Variants in NEMP2 observed in about 807,000 individuals in gnomAD.
NEMP2 encodes the protein nuclear envelope integral membrane protein 2.
In NEMP2, 53 loss-of-function variants were observed where a neutral mutation model predicts 54.2. That is an observed-to-expected ratio of 0.98 (90% CI 0.78 to 1.23). The LOEUF (loss-of-function observed/expected upper bound fraction) is 1.23, where lower values mean the gene tolerates loss of function less well. Ranked by LOEUF, NEMP2 falls within the 50% of genes most tolerant of loss-of-function variation. The pLI is 0.00. For synonymous variants in NEMP2, 197 were observed against 190.3 expected (o/e 1.04, Z -0.29); for missense variants, 455 against 511.3 (o/e 0.89, Z 1.06).
the NEMP2 span, among the ~76,000 whole-genome samples, chr2:190,607,490 T>C: frequency 3.3e-5 from 5 of 152,170 alleles, no homozygotes; most frequent in Non-Finnish European, 7.3e-5. This position sits in a 1 kb window ranked among gnomAD's most constrained non-coding sequence, Gnocchi z 5.2. Flanking sequence ...AAAGTGATTC[T>C]AATACACAGC....
Position 190,534,546 on chromosome 2 carries a change from G to A in NEMP2, c.97+13C>T, listed in dbSNP as rs1254240149. 1.9e-5 allele frequency: 27 copies of A among 1,393,728 alleles called. 1 individual carries two copies. Among genetic ancestry groups the A allele is most frequent in the Non-Finnish European group, 2.4e-5 (26 of 1,079,238 alleles). 86.3% of individuals were successfully genotyped at this position (1,393,728 alleles called of 1,614,324 possible). On this transcript the variant is annotated intron_variant, in intron 1 of 8. Coordinates refer to ENST00000409150, the MANE Select transcript of NEMP2 (RefSeq NM_001142645.2). ...CACGCACGCGCGCGCCGCCGCCGCCGGTCCCGGGTTACCTGATAACGCTGC... is the reference window on the plus strand; with the variant it reads ...CACGCACGCGCGCGCCGCCGCCGCCAGTCCCGGGTTACCTGATAACGCTGC...
chr2:190,493,900 C>T, the NEMP2 span, among the ~76,000 whole-genome samples: 1 of 152,008 alleles, frequency 6.6e-6, no homozygotes, highest in Non-Finnish European at 1.5e-5. Context: ...TAAATGCCTA[C>T]ATCAAAAAGT....
At chr2:190,616,938 A>G in the NEMP2 span, 1 of 151,950 alleles carries the variant, frequency 6.6e-6, no homozygotes, top group Non-Finnish European at 1.5e-5. This position sits in a 1 kb window ranked among gnomAD's most constrained non-coding sequence, Gnocchi z 5.1. Flanking sequence ...GCAACATAAC[A>G]TCTCTACTAA....
Position 190,510,581 on chromosome 2 carries a change from C to G in NEMP2, c.954-44G>C. ...TTGCAGGATTACTTCCTAATTCAATCCTTAAGATTTACAAAAATAGGCCAG... is the reference window on the plus strand; with the variant it reads ...TTGCAGGATTACTTCCTAATTCAATGCTTAAGATTTACAAAAATAGGCCAG... On this transcript the variant is annotated intron_variant, in intron 7 of 8. Coordinates refer to ENST00000409150, the MANE Select transcript of NEMP2 (RefSeq NM_001142645.2). This position sits in a 1 kb window ranked among gnomAD's most constrained non-coding sequence, Gnocchi z 5.7. 6.5e-7 allele frequency: 1 copy of G among 1,545,316 alleles called. No individual in the cohort carries two copies. The highest frequency in any genetic ancestry group is 8.8e-7 in the Non-Finnish European group (1 of 1,141,780).
the NEMP2 span, among the ~76,000 whole-genome samples, chr2:190,478,293 C>T: frequency 6.6e-6 from 1 of 152,062 alleles, no homozygotes; most frequent in East Asian, 1.9e-4. Flanking sequence ...GGCTCTGTGG[C>T]CAGTTTCCAC....
At chr2:190,437,670 A>G in the NEMP2 span, 1 of 1,316,374 alleles carries the variant, frequency 7.6e-7, no homozygotes, top group South Asian at 1.5e-5. This position sits in a 1 kb window ranked among gnomAD's most constrained non-coding sequence, Gnocchi z 5.9. Context: ...TGTTGAGGAT[A>G]GGGTTGGAGT....
the NEMP2 span, among the ~76,000 whole-genome samples, chr2:190,564,683 G>A: frequency 1.3e-5 from 2 of 152,182 alleles, no homozygotes; most frequent in South Asian, 2.1e-4. The surrounding 1 kb of genome is among the most constrained non-coding windows in gnomAD (Gnocchi z 4.2). Flanking sequence ...GGGTGCAAAA[G>A]CAAGAGACAA....
Position 190,510,612 on chromosome 2 carries a change from G to A in NEMP2, c.954-75C>T. The stretch of plus-strand genomic sequence containing the variant: ...GATTTACAAAAATAGGCCAGGCTCG[G>A]TGGCTCACGCCTGTAATCCAGCATT... On this transcript the variant is annotated intron_variant, in intron 7 of 8. Coordinates refer to ENST00000409150, the MANE Select transcript of NEMP2 (RefSeq NM_001142645.2). This position sits in a 1 kb window ranked among gnomAD's most constrained non-coding sequence, Gnocchi z 5.7. 1 of 1,484,594 alleles carries A rather than the reference G, an allele frequency of 6.7e-7. No homozygotes were observed. The highest frequency in any genetic ancestry group is 9.2e-7 in the Non-Finnish European group (1 of 1,092,594). 92.0% of individuals were successfully genotyped at this position (1,484,594 alleles called of 1,614,324 possible).
chr2:190,611,102 G>T, the NEMP2 span: 3 of 152,172 alleles, frequency 2.0e-5, no homozygotes, highest in African/African-American at 7.2e-5. The surrounding 1 kb of genome is among the most constrained non-coding windows in gnomAD (Gnocchi z 5.4). Context: ...AAAAGTTTTA[G>T]GGTAGCCATA....
Position 190,523,319 on chromosome 2 carries a change from T to C in NEMP2, c.213+1944A>G, listed in dbSNP as rs149239724. On this transcript the variant is annotated intron_variant, in intron 2 of 8. Coordinates refer to ENST00000409150, the MANE Select transcript of NEMP2 (RefSeq NM_001142645.2). This position sits in a 1 kb window ranked among gnomAD's most constrained non-coding sequence, Gnocchi z 5.3. Reference sequence around the variant, plus strand: ...CTGTTACTAGGTTTGTTTTTTGTAATGGTATGACTTACCAATTCTGTAACT... The same window carrying C: ...CTGTTACTAGGTTTGTTTTTTGTAACGGTATGACTTACCAATTCTGTAACT... Among the ~76,000 whole-genome samples, 354 of 152,330 alleles carry C rather than the reference T, an allele frequency of 2.3e-3. 9 individuals carry two copies. Among genetic ancestry groups the C allele is most frequent in the Non-Finnish European group, 2.1e-4 (14 of 68,030 alleles).
the NEMP2 span, among the ~76,000 whole-genome samples, chr2:190,434,606 G>A: frequency 6.6e-6 from 1 of 152,006 alleles, no homozygotes; most frequent in Non-Finnish European, 1.5e-5. The surrounding 1 kb of genome is among the most constrained non-coding windows in gnomAD (Gnocchi z 4.3). Flanking sequence ...GCTAATTCTT[G>A]TACTTTTAGT....
the NEMP2 span, among the ~76,000 whole-genome samples, chr2:190,572,477 G>C: frequency 6.6e-6 from 1 of 152,074 alleles, no homozygotes; most frequent in Non-Finnish European, 1.5e-5. Flanking sequence ...GCAATAACTA[G>C]ATTCAAGGGA....
chr2:190,623,510 C>CA, the NEMP2 span, among the ~76,000 whole-genome samples: 11 of 152,144 alleles, frequency 7.2e-5, no homozygotes, highest in Admixed American at 7.2e-4. Context: ...GAAATAAATC[C>CA]ATGCATTTAC....
the NEMP2 span, among the ~76,000 whole-genome samples, chr2:190,640,787 A>ATTTTTTTTTTTTTTTTTTTTTTTTT: frequency 8.5e-6 from 1 of 118,028 alleles, no homozygotes; most frequent in African/African-American, 3.5e-5. Context: ...AACACATTCA[A>ATTTTTTTTTTTTTTTTTTTTTTTTT]TTTTTTTTTT....
At chr2:190,584,055 G>A in the NEMP2 span, among the ~76,000 whole-genome samples, 11 of 152,116 alleles carry the variant, frequency 7.2e-5, no homozygotes, top group Non-Finnish European at 1.0e-4. This position sits in a 1 kb window ranked among gnomAD's most constrained non-coding sequence, Gnocchi z 4.2. Flanking sequence ...GTACAAAAAT[G>A]TGCTTCCCCT....
chr2:190,583,419 A>G, the NEMP2 span, among the ~76,000 whole-genome samples: 1 of 152,172 alleles, frequency 6.6e-6, no homozygotes, highest in African/African-American at 2.4e-5. Flanking sequence ...ATTTTAACTC[A>G]ACAGATTTTA....
the NEMP2 span, among the ~76,000 whole-genome samples, chr2:190,546,025 C>T: frequency 6.6e-6 from 1 of 152,060 alleles, no homozygotes; most frequent in Admixed American, 6.6e-5. This position sits in a 1 kb window ranked among gnomAD's most constrained non-coding sequence, Gnocchi z 5.1. Flanking sequence ...TTTTATTTTA[C>T]AAAGAAAATT....
At chr2:190,431,008 G>A in the NEMP2 span, among the ~76,000 whole-genome samples, 98 of 111,994 alleles carry the variant, frequency 8.8e-4, 2 homozygotes, top group South Asian at 0.026. The surrounding 1 kb of genome is among the most constrained non-coding windows in gnomAD (Gnocchi z 4.4). Context: ...GGGCAGAGAC[G>A]CTCCTCACCT....
intron 5 of NEMP2, among the ~76,000 whole-genome samples, chr2:190,516,986 C>A (rs914239144): frequency 3.3e-5 from 5 of 149,918 alleles, no homozygotes; most frequent in Non-Finnish European, 5.9e-5. Context: ...AGCTACTGGG[C>A]AGGCTGAGGC....
Sources: gnomAD v4.1 joint callset for allele counts (sites outside exome capture counted in the v4.1 genomes callset) on GRCh38, gnomAD v4.1.1 for gene constraint, Gnocchi (gnomAD v3.1) non-coding constraint, MANE v1.5 for transcripts, NCBI Gene and HGNC (gene_info 2026-07-23, HGNC 2026-07-21) for gene names.